The following USP32 variants were observed in gnomAD, a reference collection of about 807,000 sequenced individuals.
USP32 encodes ubiquitin specific peptidase 32, also known as ubiquitin carboxyl-terminal hydrolase 32.
In USP32, 59 loss-of-function variants were observed where a neutral mutation model predicts 204.8. The ratio of observed to expected loss-of-function variants is 0.29; its 90% CI spans 0.23 to 0.36. The LOEUF (loss-of-function observed/expected upper bound fraction) is 0.36. Ranked by LOEUF, USP32 falls within the 10% of genes least tolerant of loss-of-function variation. The pLI, the probability that USP32 is intolerant of heterozygous loss-of-function variation, is 1.00. For synonymous variants in USP32, 517 were observed against 678.4 expected (o/e 0.76, Z 3.70); for missense variants, 1,160 against 1,946.4 (o/e 0.60, Z 7.60).
intron 5 of USP32, among the ~76,000 whole-genome samples, chr17:60,284,610 A>AT (rs963138300): frequency 5.3e-5 from 8 of 152,192 alleles, no homozygotes; most frequent in African/African-American, 1.9e-4. Flanking sequence ...AAACGGAGCC[A>AT]TTTTTAACAT....
At chr17:60,272,183 C>T (rs2086739641) in intron 5 of USP32, among the ~76,000 whole-genome samples, 1 of 152,160 alleles carries the variant, frequency 6.6e-6, no homozygotes, top group Non-Finnish European at 1.5e-5. Flanking sequence ...CCTGGCTAGA[C>T]TGTAAACATC....
intron 1 of USP32, among the ~76,000 whole-genome samples, chr17:60,356,828 C>G (rs1219155612): frequency 6.6e-6 from 1 of 151,932 alleles, no homozygotes; most frequent in Non-Finnish European, 1.5e-5. Flanking sequence ...TGTCTGTAGG[C>G]AAGTCCAGAC....
intron 10 of USP32, among the ~76,000 whole-genome samples, chr17:60,254,617 T>C (rs1357763286): frequency 6.6e-6 from 1 of 152,172 alleles, no homozygotes; most frequent in Non-Finnish European, 1.5e-5. Context: ...GAGAATGACC[T>C]GAGTCTGCGC....
Position 60,405,656 on chromosome 17 carries a change from A to G in USP32, c.106+16590T>C, listed in dbSNP as rs545500569. Among the ~76,000 whole-genome samples, 23 of 152,256 alleles carry G rather than the reference A, an allele frequency of 1.5e-4. No homozygotes were observed. In the East Asian group the frequency reaches 3.3e-3, roughly 22 times the overall value. The stretch of plus-strand genomic sequence containing the variant: ...TGTTGCCTATAGTCCCAGCTGCTCA[A>G]GAGGCTAAGGTGGGAGGATCACCTG... On this transcript the variant is annotated intron_variant, in intron 1 of 3. Coordinates refer to the USP32 transcript ENST00000588898.
intron 1 of USP32, among the ~76,000 whole-genome samples, chr17:60,389,176 T>C (rs529690931): frequency 2.0e-5 from 3 of 152,252 alleles, no homozygotes; most frequent in East Asian, 3.9e-4. Flanking sequence ...ATGAAACCAA[T>C]GAATGCAGGT....
intron 1 of USP32, among the ~76,000 whole-genome samples, chr17:60,354,155 C>G (rs2089016434): frequency 6.6e-6 from 1 of 152,136 alleles, no homozygotes; most frequent in Admixed American, 6.5e-5. Context: ...TCACAATAAA[C>G]CACAATACTG....
chr17:60,324,660 T>C (rs1055073381), intron 2 of USP32, among the ~76,000 whole-genome samples: 1 of 152,196 alleles, frequency 6.6e-6, no homozygotes, highest in African/African-American at 2.4e-5. Flanking sequence ...AAAATACATT[T>C]TGAAAAGCAA....
At chr17:60,416,857 ACACACACATG>A (rs2090065936) in intron 1 of USP32, among the ~76,000 whole-genome samples, 1 of 152,060 alleles carries the variant, frequency 6.6e-6, no homozygotes, top group Admixed American at 6.6e-5. Context: ...GGATATATAT[ACACACACATG>A]CACACACACA....
intron 22 of USP32, 51 bp downstream of exon 22, chr17:60,209,319 G>A: frequency 1.0e-6 from 1 of 962,482 alleles, no homozygotes; most frequent in Non-Finnish European, 1.5e-6. Context: ...ATGTATTTGT[G>A]GCCAGAACAT....
At position 60,226,025 on chromosome 17, in the gene USP32, T is replaced by G; in HGVS notation, c.1432+14A>C. 1 of 1,580,330 alleles carries G rather than the reference T, an allele frequency of 6.3e-7. No individual in the cohort carries two copies. Among genetic ancestry groups the G allele is most frequent in the Non-Finnish European group, 8.6e-7 (1 of 1,168,372 alleles). ...AATAAACCAATAAACCTCAGGGGAA[T>G]AGGTCATATTTACCGCTGCCAGCAG... On this transcript the variant is annotated intron_variant, in intron 13 of 33. Transcript: ENST00000300896.
intron 2 of USP32, among the ~76,000 whole-genome samples, chr17:60,338,912 C>G (rs892930536): frequency 6.6e-6 from 1 of 151,936 alleles, no homozygotes; most frequent in African/African-American, 2.4e-5. Flanking sequence ...TTCTTTGTTT[C>G]TTTCTTTCTT....
intron 11 of USP32, among the ~76,000 whole-genome samples, chr17:60,241,610 C>T (rs2085881498): frequency 1.3e-5 from 2 of 152,104 alleles, no homozygotes. Context: ...TCACTCCTCT[C>T]ATTGTGCTTT....
chr17:60,200,333 G>C (rs1482639000), intron 26 of USP32, among the ~76,000 whole-genome samples: 1 of 152,152 alleles, frequency 6.6e-6, no homozygotes, highest in Admixed American at 6.5e-5. Context: ...AGGCCAAGGT[G>C]GGTGGATCAC....
chr17:60,180,538 T>C lies in USP32; in HGVS notation c.4641+7A>G, dbSNP rs749261759. On this transcript the variant is annotated splice_region_variant and intron_variant, in intron 33 of 33. Transcript: ENST00000300896. ...CTAACTTTCATTCAAAGACTGAGAA[T>C]GTTTACCTTACAGCTGCTGTCATTG... The C allele has an allele frequency of 6.2e-7, 1 of 1,613,376 alleles. No individual in the cohort carries two copies. The highest frequency in any genetic ancestry group is 1.1e-5 in the South Asian group (1 of 91,060).
rs141346475 is a variant in USP32 at position 60,190,652 on chromosome 17, C to T, written c.3553G>A (p.Glu1185Lys). The change falls in exon 29 of 34, where the codon GAA (glutamate) becomes AAA (lysine). Residue 1185 changes from glutamate (E) to lysine (K), a missense_variant. Glu to Lys is a moderately conservative substitution (Grantham distance 56). This residue lies in a region of USP32 where 160 missense variants were observed against 322.5 expected (regional missense o/e 0.50). Coordinates refer to ENST00000300896, the MANE Select transcript of USP32 (RefSeq NM_032582.4). ...GCATTTCCAATGAAAGCTCTGTCTT[C>T]CCCACAATCAATTTTACAGCCTCTG... is the stretch of plus-strand genomic sequence containing the variant. The part of the protein sequence containing the change: ...FCRGCKIDCG[E>K]DRAFIGNAYI... The T allele has an allele frequency of 2.5e-6, 4 of 1,603,476 alleles. No homozygotes were observed. The highest frequency in any genetic ancestry group is 2.7e-5 in the African/African-American group (2 of 74,184).
chr17:60,290,066 T>A (rs1320834061), intron 4 of USP32, among the ~76,000 whole-genome samples: 2 of 152,188 alleles, frequency 1.3e-5, no homozygotes, highest in Non-Finnish European at 2.9e-5. Flanking sequence ...ATTCTTGTCA[T>A]AACTAAATCA....
In USP32 at chr17:60,269,493, C is replaced by A. The variant is rs1455877560; in HGVS notation, c.768G>T (p.Gly256=). The stretch of plus-strand genomic sequence containing the variant: ...GGGGTCCCCTGCAACAGGCTGATAA[C>A]CCACAGGATATCTCCTTAAAATCTA... ...NHIDFKEISC[G]LSACCRGPLA... Residue 256 remains glycine, a synonymous_variant, in exon 7 of 34, where the codon GGG becomes GGT. Transcript: ENST00000300896. 3.7e-6 allele frequency: 6 copies of A among 1,611,068 alleles called. No individual in the cohort carries two copies. In the Admixed American group the frequency reaches 5.1e-5, roughly 14 times the overall value.
intron 2 of USP32, among the ~76,000 whole-genome samples, chr17:60,334,272 G>A (rs1567858279): frequency 6.6e-6 from 1 of 151,978 alleles, no homozygotes; most frequent in Admixed American, 6.6e-5. Flanking sequence ...GGCCATGTAC[G>A]ATCTGTGTTT....
chr17:60,363,725 C>G (rs945541466), intron 1 of USP32, among the ~76,000 whole-genome samples: 3 of 151,662 alleles, frequency 2.0e-5, no homozygotes, highest in Non-Finnish European at 4.4e-5. Flanking sequence ...TCTCAAACAC[C>G]TGGGCTCAAG....
Sources: gnomAD v4.1 joint callset for allele counts (sites outside exome capture counted in the v4.1 genomes callset) on GRCh38, gnomAD v4.1.1 for gene constraint, gnomAD v4.1.1 regional missense constraint, MANE v1.5 for transcripts, NCBI Gene and HGNC (gene_info 2026-07-23, HGNC 2026-07-21) for gene names.